KCNK1: variants seen among roughly 807,000 people sequenced by gnomAD.
KCNK1 encodes the protein potassium two pore domain channel subfamily K member 1, also known as potassium channel subfamily K member 1.
KCNK1 carries 10 observed loss-of-function variants against 22.2 expected under a neutral mutation model. The observed-to-expected ratio is 0.45, with a 90% CI of 0.28 to 0.76. The LOEUF is 0.76. Ranked by LOEUF, KCNK1 falls within the 30% of genes least tolerant of loss-of-function variation. The probability of loss-of-function intolerance (pLI) is 0.14; values close to 1 mark genes in which losing one functional copy is unlikely to be tolerated. For missense variants in KCNK1, 378 were observed against 421.0 expected, an observed-to-expected ratio of 0.90 and a Z score of 0.89; for synonymous variants, 200 against 186.4, an observed-to-expected ratio of 1.07 and a Z score of -0.60.
intron 1 of KCNK1, among the ~76,000 whole-genome samples, chr1:233,659,953 A>T (rs1402206105): frequency 6.6e-6 from 1 of 152,216 alleles, no homozygotes; most frequent in Non-Finnish European, 1.5e-5. Context: ...CCTGGAAGAC[A>T]CAGTACTGCA....
At chr1:233,671,244 TAAG>T in intron 2 of KCNK1, 24 bp from the exon 3 acceptor site, 1 of 1,611,334 alleles carries the variant, frequency 6.2e-7, no homozygotes, top group East Asian at 2.2e-5. Flanking sequence ...GAGATCACAC[TAAG>T]ACAGTGTCCT....
At chr1:233,655,455 A>G (rs1658273816) in intron 1 of KCNK1, among the ~76,000 whole-genome samples, 1 of 152,148 alleles carries the variant, frequency 6.6e-6, no homozygotes. Context: ...GAACCATTGG[A>G]ATGGACTGAA....
At chr1:233,616,874 A>G (rs1657495668) in intron 1 of KCNK1, among the ~76,000 whole-genome samples, 1 of 152,244 alleles carries the variant, frequency 6.6e-6, no homozygotes, top group Admixed American at 6.5e-5. Context: ...GAGATGTTAA[A>G]TTGTGTGCTG....
intron 1 of KCNK1, chr1:233,630,726 T>C (rs1448939588): frequency 6.6e-6 from 1 of 152,620 alleles, no homozygotes; most frequent in Admixed American, 6.5e-5. Flanking sequence ...GTAGGTCCCA[T>C]GTTGAATCTA....
intron 1 of KCNK1, among the ~76,000 whole-genome samples, chr1:233,634,252 A>G (rs1657857431): frequency 6.6e-6 from 1 of 151,448 alleles, no homozygotes; most frequent in Non-Finnish European, 1.5e-5. Context: ...GTTGAAGTGA[A>G]CTGAGATCTC....
At chr1:233,639,083 A>G (rs1021656496) in intron 1 of KCNK1, among the ~76,000 whole-genome samples, 22 of 152,206 alleles carry the variant, frequency 1.4e-4, no homozygotes, top group Admixed American at 3.9e-4. Flanking sequence ...TCCAGTCCTA[A>G]CACACCCAAA....
chr1:233,618,328 C>CA (rs35167905), intron 1 of KCNK1, among the ~76,000 whole-genome samples: 58 of 143,704 alleles, frequency 4.0e-4, no homozygotes, highest in Non-Finnish European at 7.0e-4. Flanking sequence ...GAGTTGTATA[C>CA]AAAAAAAAAG....
chr1:233,620,500 T>C (rs1657563512), intron 1 of KCNK1, among the ~76,000 whole-genome samples: 1 of 152,222 alleles, frequency 6.6e-6, no homozygotes, highest in Non-Finnish European at 1.5e-5. Context: ...ATCCAATTTG[T>C]GTCACTGCTT....
At chr1:233,625,511 G>A (rs1657673768) in intron 1 of KCNK1, among the ~76,000 whole-genome samples, 1 of 152,126 alleles carries the variant, frequency 6.6e-6, no homozygotes, top group Non-Finnish European at 1.5e-5. Context: ...AGAGATAGGA[G>A]GGCAGGAGAA....
chr1:233,656,558 CTCATT>C (rs1028068647), intron 1 of KCNK1, among the ~76,000 whole-genome samples: 2 of 152,210 alleles, frequency 1.3e-5, no homozygotes, highest in African/African-American at 4.8e-5. Flanking sequence ...ACAAGAATGA[CTCATT>C]TCATGTGATC....
chr1:233,626,464 C>T (rs188830072), intron 1 of KCNK1, among the ~76,000 whole-genome samples: 2 of 152,214 alleles, frequency 1.3e-5, no homozygotes, highest in East Asian at 1.9e-4. Context: ...GGGCCACACT[C>T]GGAGTGTAGG....
At chr1:233,654,537 G>A (rs1010164500) in intron 1 of KCNK1, among the ~76,000 whole-genome samples, 3 of 152,090 alleles carry the variant, frequency 2.0e-5, no homozygotes, top group Admixed American at 2.0e-4. Context: ...TGTGAAAAGA[G>A]AGAAAAGATT....
In KCNK1 at chr1:233,671,156, A is replaced by G. The variant is rs776212843; in HGVS notation, c.752-115A>G. On this transcript the variant is annotated intron_variant, in intron 2 of 2. Transcript: ENST00000366621. ...ACTTCTAAAAATTAAGAAACTGGCA[A>G]TGAGTTTATTCCTTAACAAACACTG... 4.4e-6 allele frequency: 4 copies of G among 913,466 alleles called. No individual in the cohort carries two copies. In the East Asian group the frequency reaches 9.7e-5, roughly 22 times the overall value. The allele number at this position is 913,466 out of a possible 1,614,324, so 56.6% of individuals were successfully genotyped here. A position where few individuals can be genotyped will look rare whatever the true frequency, so the allele number is the denominator to read the frequency against.
At position 233,666,551 on chromosome 1, in the gene KCNK1, T is replaced by A. The variant is rs751756835; in HGVS notation, c.356-44T>A. 3.2e-5 allele frequency: 49 copies of A among 1,541,916 alleles called. No individual in the cohort carries two copies. In the East Asian group the frequency reaches 9.9e-4, roughly 31 times the overall value. On this transcript the variant is annotated intron_variant, in intron 1 of 2. Coordinates refer to ENST00000366621, the MANE Select transcript of KCNK1 (RefSeq NM_002245.4). ...TATTGTTTAAAAACGTGTTTGCCAC[T>A]TTGTCTCTTCCTCTTCGCCTCAGTG...
chr1:233,625,389 G>A (rs1657671488), intron 1 of KCNK1, among the ~76,000 whole-genome samples: 1 of 152,156 alleles, frequency 6.6e-6, no homozygotes, highest in South Asian at 2.1e-4. Flanking sequence ...TGGAGGAAAA[G>A]TTTTATGGTT....
In KCNK1 at chr1:233,625,366, T is replaced by A. The variant is rs76446201; in HGVS notation, c.355+10840T>A. On this transcript the variant is annotated intron_variant, in intron 1 of 2. Coordinates refer to ENST00000366621, the MANE Select transcript of KCNK1 (RefSeq NM_002245.4). ...GGTCATATAATTTCATTGGCCAGTTTTACATAGAAAGGTGGAGGAAAAGTT... is the reference window on the plus strand; with the variant it reads ...GGTCATATAATTTCATTGGCCAGTTATACATAGAAAGGTGGAGGAAAAGTT... 6.3e-3 allele frequency among the ~76,000 whole-genome samples: 957 copies of A among 152,282 alleles called. 35 individuals carry two copies. The East Asian group carries it at 0.1, about 17-fold the overall frequency.
At chr1:233,644,020 G>T (rs1658047082) in intron 1 of KCNK1, among the ~76,000 whole-genome samples, 1 of 152,104 alleles carries the variant, frequency 6.6e-6, no homozygotes, top group Non-Finnish European at 1.5e-5. Context: ...TCCATTTGAG[G>T]TTGCTGTAAG....
intron 1 of KCNK1, among the ~76,000 whole-genome samples, chr1:233,645,207 A>AT (rs1215448168): frequency 6.6e-5 from 10 of 152,048 alleles, no homozygotes; most frequent in Non-Finnish European, 1.5e-4. Flanking sequence ...AAAAAAAAAA[A>AT]AGAGATATGA....
Position 233,622,973 on chromosome 1 carries a change from T to C in KCNK1, c.355+8447T>C, listed in dbSNP as rs1657617547. ...GCTGCTGCCTCTGAGACTCAGTTAT[T>C]AGTACCCATGGAAGGGCTTTAGGCA... is the stretch of plus-strand genomic sequence containing the variant. On this transcript the variant is annotated intron_variant, in intron 1 of 2. Transcript: ENST00000366621. Among the ~76,000 whole-genome samples the C allele has an allele frequency of 2.0e-5, 3 of 152,250 alleles. No individual in the cohort carries two copies. The South Asian group carries it at 6.2e-4, about 32-fold the overall frequency.
Sources: gnomAD v4.1 joint callset for allele counts (sites outside exome capture counted in the v4.1 genomes callset) on GRCh38, gnomAD v4.1.1 for gene constraint, MANE v1.5 for transcripts, NCBI Gene and HGNC (gene_info 2026-07-23, HGNC 2026-07-21) for gene names.